SCN8A: variants seen among roughly 807,000 people sequenced by gnomAD.
The protein encoded by SCN8A is sodium voltage-gated channel alpha subunit 8.
In SCN8A, 30 loss-of-function variants were observed where a neutral mutation model predicts 184.1. The ratio of observed to expected loss-of-function variants is 0.16; its 90% confidence interval spans 0.12 to 0.22. The LOEUF is 0.22. SCN8A is among the 10% of genes least tolerant of loss of function. The pLI, the probability that SCN8A is intolerant of heterozygous loss-of-function variation, is 1.00. For synonymous variants in SCN8A, 852 were observed against 907.0 expected (o/e 0.94, Z 1.09); for missense variants, 1,057 against 2,498.9 (o/e 0.42, Z 12.30).
intron 12 of SCN8A, among the ~76,000 whole-genome samples, chr12:51,745,620 T>G (rs532039512): frequency 9.2e-5 from 14 of 152,306 alleles, no homozygotes; most frequent in Non-Finnish European, 1.9e-4. Context: ...GTCTTTCTAC[T>G]CTATGCTTGG....
intron 17 of SCN8A, 94 bp from the exon 18 acceptor site, chr12:51,769,774 C>G: frequency 1.2e-6 from 1 of 802,322 alleles, no homozygotes; most frequent in Non-Finnish European, 2.1e-6. Context: ...GGAGTCAGAG[C>G]TGGCCCCTCA....
intron 12 of SCN8A, 125 bp downstream of exon 12, chr12:51,722,033 T>C: frequency 1.3e-6 from 2 of 1,529,994 alleles, no homozygotes; most frequent in Non-Finnish European, 1.8e-6. Flanking sequence ...TCCCACTTGG[T>C]CTGTCTGGAC....
chr12:51,769,820 G>A, intron 17 of SCN8A, 48 bp from the exon 18 acceptor site: 2 of 1,202,664 alleles, frequency 1.7e-6, no homozygotes. Context: ...TGTGGAGTGG[G>A]CATGTTGCCT....
intron 20 of SCN8A, 150 bp from the exon 21 acceptor site, chr12:51,780,499 G>C (rs1937864641): frequency 1.8e-6 from 1 of 553,534 alleles, no homozygotes; most frequent in African/African-American, 2.0e-5. Context: ...CTCTACCTGG[G>C]GGGCCCAATC....
intron 11 of SCN8A, chr12:51,713,540 C>T (rs1217594245): frequency 1.1e-5 from 8 of 741,972 alleles, no homozygotes; most frequent in Admixed American, 5.4e-5. Context: ...TGGCCCTCTT[C>T]CTGCCGGTGG....
chr12:51,802,058 A>C (rs1938570359), intron 26 of SCN8A, among the ~76,000 whole-genome samples: 1 of 152,034 alleles, frequency 6.6e-6, no homozygotes, highest in South Asian at 2.1e-4. Flanking sequence ...CTGTCTCAAA[A>C]AAAAAGAAAC....
intron 11 of SCN8A, among the ~76,000 whole-genome samples, chr12:51,710,133 T>C (rs1047781304): frequency 1.5e-4 from 23 of 152,136 alleles, no homozygotes; most frequent in African/African-American, 5.5e-4. Flanking sequence ...TTAAGAAGAA[T>C]GGGAGAGGGA....
intron 5 of SCN8A, 156 bp from the exon 6 acceptor site, chr12:51,688,849 G>C (rs1260121093): frequency 6.2e-7 from 1 of 1,612,526 alleles, no homozygotes; most frequent in East Asian, 2.2e-5. Flanking sequence ...GGTAATCCCA[G>C]GTAAGATGGT....
chr12:51,690,800 C>T (rs1350212322), intron 6 of SCN8A, among the ~76,000 whole-genome samples: 1 of 152,220 alleles, frequency 6.6e-6, no homozygotes, highest in African/African-American at 2.4e-5. Flanking sequence ...ATCTTCACCA[C>T]TTACAAATTT....
chr12:51,652,308 T>C (rs1940733399), intron 1 of SCN8A, among the ~76,000 whole-genome samples: 1 of 152,208 alleles, frequency 6.6e-6, no homozygotes, highest in Non-Finnish European at 1.5e-5. Context: ...CTGCTGCTGC[T>C]GCCTGGCTTA....
chr12:51,757,230 G>A (rs79730925), intron 14 of SCN8A, among the ~76,000 whole-genome samples: 3,112 of 152,256 alleles, frequency 0.02, 98 homozygotes, highest in African/African-American at 0.069. Flanking sequence ...CAGGACTTTC[G>A]GTGTGAAAAG....
chr12:51,666,657 A>G (rs776770023), intron 2 of SCN8A, among the ~76,000 whole-genome samples: 6 of 152,124 alleles, frequency 3.9e-5, no homozygotes, highest in Non-Finnish European at 7.4e-5. Context: ...TTTCTAACTG[A>G]TGAATTGTCT....
chr12:51,770,023 C>T (rs762776712), intron 18 of SCN8A, 38 bp downstream of exon 18: 7 of 1,368,968 alleles, frequency 5.1e-6, no homozygotes, highest in African/African-American at 1.4e-5. Flanking sequence ...TGGGGACACT[C>T]GTGTTGCTCA....
chr12:51,669,440 C>T (rs894607848), intron 2 of SCN8A, among the ~76,000 whole-genome samples: 1 of 152,184 alleles, frequency 6.6e-6, no homozygotes, highest in African/African-American at 2.4e-5. Flanking sequence ...CTGTGGCGAA[C>T]TACTTCCTGT....
At chr12:51,697,837 T>C (rs2138732169) in intron 6 of SCN8A, among the ~76,000 whole-genome samples, 1 of 152,310 alleles carries the variant, frequency 6.6e-6, no homozygotes, top group African/African-American at 2.4e-5. Context: ...TTTTTTGTTT[T>C]TGTTTTTTTG....
intron 11 of SCN8A, among the ~76,000 whole-genome samples, chr12:51,707,436 G>A (rs1941802964): frequency 6.6e-6 from 1 of 152,192 alleles, no homozygotes; most frequent in South Asian, 2.1e-4. Context: ...AGAACTTGGA[G>A]TTGGATGTTC....
intron 1 of SCN8A, among the ~76,000 whole-genome samples, chr12:51,632,000 G>A (rs1181360594): frequency 6.6e-6 from 1 of 152,168 alleles, no homozygotes; most frequent in African/African-American, 2.4e-5. Flanking sequence ...AGGATCCAGG[G>A]AAATAAGTAA....
At chr12:51,787,002 T>C (rs1592162741) in intron 22 of SCN8A, among the ~76,000 whole-genome samples, 176 bp downstream of exon 22, 1 of 152,324 alleles carries the variant, frequency 6.6e-6, no homozygotes, top group Non-Finnish European at 1.5e-5. Context: ...CTGAGTATTC[T>C]CTGACTTCTA....
intron 26 of SCN8A, among the ~76,000 whole-genome samples, chr12:51,795,384 T>C (rs1340523330): frequency 1.3e-5 from 2 of 152,236 alleles, no homozygotes; most frequent in Non-Finnish European, 2.9e-5. Flanking sequence ...AAATGTTTCC[T>C]TGCCTTCCTG....
Sources: allele counts gnomAD v4.1 joint callset (sites outside exome capture counted in the v4.1 genomes callset), GRCh38; gene constraint gnomAD v4.1.1; transcripts MANE v1.5; gene names NCBI Gene and HGNC (gene_info 2026-07-23, HGNC 2026-07-21).